Variants in LRP1B observed in about 807,000 individuals in gnomAD.
LRP1B encodes the protein LDL receptor related protein 1B.
A neutral mutation model predicts 556.6 loss-of-function variants in LRP1B; 217 were observed. That is an observed-to-expected ratio of 0.39 (90% CI 0.35 to 0.44). The LOEUF is 0.44. Among genes scored for constraint, LRP1B ranks in the 20% least tolerant of loss-of-function variants. The pLI, the probability that LRP1B is intolerant of heterozygous loss-of-function variation, is 1.00. For synonymous variants in LRP1B, 2,047 were observed against 1,865.8 expected (o/e 1.10, Z -2.50); for missense variants, 5,053 against 5,620.8 (o/e 0.90, Z 3.23).
rs1157086500 is a variant in LRP1B at position 140,574,017 on chromosome 2, T to C, written c.7194+24614A>G. ...AAAGATTTGAGGATAACGGGAATGT[T>C]TCCATTTTTGAAATTAATTTAAAAT... On this transcript the variant is annotated intron_variant, in intron 43 of 90. Transcript: ENST00000389484. 2.6e-5 allele frequency among the ~76,000 whole-genome samples: 4 copies of C among 152,246 alleles called. No individual in the cohort carries two copies. The East Asian group carries it at 7.7e-4, about 29-fold the overall frequency.
intron 2 of LRP1B, among the ~76,000 whole-genome samples, chr2:141,481,558 C>T (rs1432518259): frequency 1.3e-5 from 2 of 152,158 alleles, no homozygotes; most frequent in African/African-American, 2.4e-5. Flanking sequence ...TTAGTTTTCT[C>T]ATGTATAAAA....
chr2:141,860,101 A>G (rs1319215734), intron 1 of LRP1B, among the ~76,000 whole-genome samples: 2 of 152,166 alleles, frequency 1.3e-5, no homozygotes, highest in Non-Finnish European at 2.9e-5. Flanking sequence ...CTTTTGGGGC[A>G]TTACTCAATT....
At chr2:140,440,743 A>ATGTGTGTGTGTGTATGTGTGTG (rs1686389267) in intron 66 of LRP1B, among the ~76,000 whole-genome samples, 3 of 150,600 alleles carry the variant, frequency 2.0e-5, no homozygotes, top group Middle Eastern at 3.4e-3. Context: ...CTCTGTATGT[A>ATGTGTGTGTGTGTATGTGTGTG]TGTGTGTGTG....
intron 1 of LRP1B, among the ~76,000 whole-genome samples, chr2:142,025,376 A>C (rs890372015): frequency 1.3e-5 from 2 of 152,164 alleles, no homozygotes; most frequent in Non-Finnish European, 2.9e-5. Flanking sequence ...CCATGGTACT[A>C]ATCCAACAAC....
intron 41 of LRP1B, among the ~76,000 whole-genome samples, chr2:140,661,504 TAAA>T (rs71408466): frequency 3.7e-4 from 45 of 122,608 alleles, no homozygotes; most frequent in African/African-American, 1.1e-3. Flanking sequence ...TACAAATAAT[TAAA>T]AAAAAAAAAA....
At chr2:141,065,832 A>G (rs1456700257) in intron 7 of LRP1B, among the ~76,000 whole-genome samples, 3 of 151,686 alleles carry the variant, frequency 2.0e-5, no homozygotes, top group Non-Finnish European at 2.9e-5. Flanking sequence ...CTTTTTCAGC[A>G]TCTCCCCGCA....
At chr2:140,470,733 C>A (rs1362680372) in intron 60 of LRP1B, among the ~76,000 whole-genome samples, 1 of 143,346 alleles carries the variant, frequency 7.0e-6, no homozygotes, top group Non-Finnish European at 1.5e-5. Context: ...ACTTTTAGTT[C>A]TGGACTTCCC....
chr2:141,071,319 A>T (rs576671199), intron 7 of LRP1B, among the ~76,000 whole-genome samples: 212 of 151,690 alleles, frequency 1.4e-3, no homozygotes, highest in African/African-American at 5.0e-3. Context: ...TTCATGCTAA[A>T]AACTCTCAAT....
chr2:141,837,349 T>A (rs568460602), intron 1 of LRP1B, among the ~76,000 whole-genome samples: 8 of 152,172 alleles, frequency 5.3e-5, no homozygotes, highest in African/African-American at 1.9e-4. Context: ...TTTTTTAACC[T>A]TTATTAATAT....
chr2:142,000,613 G>T (rs1702624698), intron 1 of LRP1B, among the ~76,000 whole-genome samples: 3 of 152,174 alleles, frequency 2.0e-5, no homozygotes, highest in South Asian at 4.2e-4. Context: ...TAAAATTAGG[G>T]TCTGTGTCCC....
intron 41 of LRP1B, among the ~76,000 whole-genome samples, chr2:140,626,601 A>G (rs1683668644): frequency 6.6e-6 from 1 of 151,994 alleles, no homozygotes; most frequent in African/African-American, 2.4e-5. Flanking sequence ...TTCAAAAGTA[A>G]TTACAGATAC....
chr2:140,868,084 G>A lies in LRP1B; in HGVS notation c.4334+15C>T, dbSNP rs953164817. On this transcript the variant is annotated intron_variant, in intron 26 of 90. Transcript: ENST00000389484. ...AGTAAAAAAAAAAATACAGAAAAGA[G>A]ATGATTTTTTAAACCTGGCGTCTGT... 1 of 1,572,184 alleles carries A rather than the reference G, an allele frequency of 6.4e-7. No homozygotes were observed. The highest frequency in any genetic ancestry group is 2.3e-5 in the East Asian group (1 of 44,376).
chr2:140,828,865 A>G (rs1224525289), intron 31 of LRP1B, among the ~76,000 whole-genome samples: 2 of 151,258 alleles, frequency 1.3e-5, no homozygotes, highest in Non-Finnish European at 2.9e-5. Flanking sequence ...TATTTAGGCT[A>G]TATGCTACTT....
At chr2:141,323,837 G>T (rs1687329840) in intron 3 of LRP1B, among the ~76,000 whole-genome samples, 1 of 151,300 alleles carries the variant, frequency 6.6e-6, no homozygotes, top group Admixed American at 6.6e-5. Context: ...TAGATGCCAT[G>T]GTAGTGCAAA....
chr2:140,850,637 A>G (rs1195798699), intron 28 of LRP1B, among the ~76,000 whole-genome samples: 1 of 152,206 alleles, frequency 6.6e-6, no homozygotes, highest in Admixed American at 6.5e-5. Context: ...CGAGTGTCGG[A>G]TACCATATTT....
intron 2 of LRP1B, among the ~76,000 whole-genome samples, chr2:141,535,740 T>C (rs1266215316): frequency 1.3e-5 from 2 of 152,072 alleles, no homozygotes; most frequent in Admixed American, 6.6e-5. Context: ...GAAATCACCA[T>C]CTTGAAATTC....
intron 59 of LRP1B, among the ~76,000 whole-genome samples, chr2:140,483,059 G>A (rs1476368958): frequency 2.0e-5 from 3 of 151,982 alleles, no homozygotes; most frequent in African/African-American, 7.3e-5. Flanking sequence ...TCTCACTCAG[G>A]GGAACTAGGC....
intron 35 of LRP1B, among the ~76,000 whole-genome samples, chr2:140,726,276 G>C (rs1248179689): frequency 6.6e-6 from 1 of 152,032 alleles, no homozygotes; most frequent in Non-Finnish European, 1.5e-5. Context: ...TATCAGATTT[G>C]GGGCTAGTTT....
At chr2:140,367,287 T>C (rs1443400445) in intron 71 of LRP1B, among the ~76,000 whole-genome samples, 1 of 151,756 alleles carries the variant, frequency 6.6e-6, no homozygotes, top group African/African-American at 2.4e-5. Flanking sequence ...GTATCTTAAG[T>C]AAAAGTTAAA....
Sources: gnomAD v4.1 joint callset for allele counts (sites outside exome capture counted in the v4.1 genomes callset) on GRCh38, gnomAD v4.1.1 for gene constraint, MANE v1.5 for transcripts, NCBI Gene and HGNC (gene_info 2026-07-23, HGNC 2026-07-21) for gene names.